The following BSN variants were observed in gnomAD, a reference collection of about 807,000 sequenced individuals.
BSN encodes protein bassoon.
Under a neutral mutation model 264.8 loss-of-function variants are expected in BSN, and 57 were observed. That is an observed-to-expected ratio of 0.22 (90% CI 0.17 to 0.27). The LOEUF (loss-of-function observed/expected upper bound fraction) is 0.27. Among genes scored for constraint, BSN ranks in the 10% least tolerant of loss-of-function variants. The pLI is 1.00. For missense variants in BSN, 4,615 were observed against 5,232.5 expected (o/e 0.88, Z 3.64); for synonymous variants, 2,059 against 2,137.3 (o/e 0.96, Z 1.01).
In BSN at chr3:49,666,899, G is replaced by A. The variant is rs922302879; in HGVS notation, c.*105-691G>A. Among the ~76,000 whole-genome samples, 9 of 152,164 alleles carry A rather than the reference G, an allele frequency of 5.9e-5. No individual in the cohort carries two copies. The East Asian group carries it at 1.3e-3, about 23-fold the overall frequency. On this transcript the variant is annotated intron_variant, in intron 11 of 11. Coordinates refer to ENST00000296452, the MANE Select transcript of BSN (RefSeq NM_003458.4). Reference sequence around the variant, plus strand: ...CTTCCTGCCTTCACCCTCCCACAGCGGGCTTCCTGCGGCTTCCCGCTCAGC... The same window carrying A: ...CTTCCTGCCTTCACCCTCCCACAGCAGGCTTCCTGCGGCTTCCCGCTCAGC...
At chr3:49,563,219 T>C (rs1312645642) in intron 1 of BSN, among the ~76,000 whole-genome samples, 1 of 152,156 alleles carries the variant, frequency 6.6e-6, no homozygotes, top group Non-Finnish European at 1.5e-5. Context: ...CGGGGCTGGC[T>C]GGCAACCCAC....
At position 49,655,836 on chromosome 3, in the gene BSN, A is replaced by G; in HGVS notation, c.6280A>G (p.Thr2094Ala). 1 of 1,613,364 alleles carries G rather than the reference A, an allele frequency of 6.2e-7. No individual in the cohort carries two copies. The change falls in exon 5 of 12, where the codon ACA (threonine) becomes GCA (alanine). Residue 2094 changes from threonine (T) to alanine (A), a missense_variant. This residue lies in a region of BSN where 3,415 missense variants were observed against 3,866.4 expected (regional missense o/e 0.88). Coordinates refer to ENST00000296452, the MANE Select transcript of BSN (RefSeq NM_003458.4). ...CAGCCTGGCCCAGTACAGTGCCACC[A>G]CAGCCCGTGAAATCAGTCGCATGTG... The part of the protein sequence containing the change: ...EASLAQYSAT[T>A]AREISRMCAA...
intron 1 of BSN, among the ~76,000 whole-genome samples, chr3:49,556,148 T>C (rs1232744950): frequency 6.6e-6 from 1 of 152,214 alleles, no homozygotes; most frequent in African/African-American, 2.4e-5. Context: ...GGTTTTAGCT[T>C]GAGGGAGGCT....
At chr3:49,612,769 C>A (rs2052218465) in intron 1 of BSN, among the ~76,000 whole-genome samples, 1 of 152,076 alleles carries the variant, frequency 6.6e-6, no homozygotes, top group Non-Finnish European at 1.5e-5. Context: ...AAAAGGAACA[C>A]AAAAATATTC....
rs2052585267 is a variant in BSN, at chr3:49,655,061, A to G, written c.5505A>G (p.Pro1835=). The change falls in exon 5 of 12, where the codon CCA becomes CCG. Residue 1835 remains proline (P), a synonymous_variant. Coordinates refer to ENST00000296452, the MANE Select transcript of BSN (RefSeq NM_003458.4). ...QSIGLKPGPV[P]EPGAEPHRAT... ...TTGGCCTCAAGCCAGGCCCAGTGCC[A>G]GAGCCAGGTGCCGAGCCCCACCGGG... 1.9e-6 allele frequency: 3 copies of G among 1,613,062 alleles called. No homozygotes were observed. The highest frequency in any genetic ancestry group is 2.5e-6 in the Non-Finnish European group (3 of 1,180,042).
At chr3:49,666,885 C>T (rs2052717158) in intron 11 of BSN, among the ~76,000 whole-genome samples, 1 of 152,194 alleles carries the variant, frequency 6.6e-6, no homozygotes, top group South Asian at 2.1e-4. Flanking sequence ...TTCCTGCCTT[C>T]ACCCTCCCAC....
At chr3:49,618,440 G>A (rs190029244) in intron 1 of BSN, among the ~76,000 whole-genome samples, 32 of 152,208 alleles carry the variant, frequency 2.1e-4, no homozygotes, top group Admixed American at 1.1e-3. Flanking sequence ...TATTCTCACT[G>A]GTTTCCTACC....
At chr3:49,586,439 A>G (rs781407747) in intron 1 of BSN, among the ~76,000 whole-genome samples, 36 of 152,144 alleles carry the variant, frequency 2.4e-4, no homozygotes, top group Admixed American at 2.6e-4. Context: ...CAATGGCACA[A>G]TCATGGCTCA....
rs761770480 is a variant in BSN at position 49,661,138 on chromosome 3, C to T, written c.9293C>T (p.Ala3098Val). The T allele has an allele frequency of 1.2e-6, 2 of 1,612,950 alleles. No homozygotes were observed. Among genetic ancestry groups the T allele is most frequent in the Admixed American group, 3.3e-5 (2 of 59,996 alleles). ...TYPAPAFPPG[A>V]SYPAEPGLPN... is the part of the protein sequence containing the mutation. Reference sequence around the variant, plus strand: ...CCAGCTCCTGCCTTTCCTCCTGGTGCCAGTTACCCAGCTGAGCCTGGCCTG... The same window carrying T: ...CCAGCTCCTGCCTTTCCTCCTGGTGTCAGTTACCCAGCTGAGCCTGGCCTG... Residue 3098 changes from alanine (A) to valine (V), a missense_variant, in exon 6 of 12, where the codon GCC becomes GTC. Around this residue, in one of 3 missense-constraint regions of BSN, gnomAD observed 3,415 missense variants for 3,866.4 expected, o/e 0.88. Transcript: ENST00000296452.
intron 3 of BSN, 21 bp from the exon 4 acceptor site, chr3:49,650,591 C>G: frequency 1.3e-6 from 2 of 1,571,246 alleles, no homozygotes. Context: ...TTCATCAACC[C>G]CCTCTCCCAT....
At chr3:49,577,562 CAG>C (rs1210890971) in intron 1 of BSN, among the ~76,000 whole-genome samples, 5 of 146,786 alleles carry the variant, frequency 3.4e-5, no homozygotes, top group Non-Finnish European at 7.5e-5. Flanking sequence ...TTTTGTGAGA[CAG>C]AGTCTCGCAC....
At chr3:49,593,856 G>A (rs181723574) in intron 1 of BSN, among the ~76,000 whole-genome samples, 1 of 141,514 alleles carries the variant, frequency 7.1e-6, no homozygotes, top group Non-Finnish European at 1.5e-5. Flanking sequence ...AGGCTGGAGT[G>A]CGGTGGCGTG....
At chr3:49,632,363 A>G (rs748982514) in intron 2 of BSN, among the ~76,000 whole-genome samples, 1 of 152,238 alleles carries the variant, frequency 6.6e-6, no homozygotes, top group Non-Finnish European at 1.5e-5. Context: ...TTACATCTAA[A>G]GGCACTATTA....
At position 49,625,925 on chromosome 3, in the gene BSN, T is replaced by A. The variant is rs2052338790; in HGVS notation, c.633+542T>A. On this transcript the variant is annotated intron_variant, in intron 2 of 11. Coordinates refer to ENST00000296452, the MANE Select transcript of BSN (RefSeq NM_003458.4). This position sits in a 1 kb window ranked among gnomAD's most constrained non-coding sequence, Gnocchi z 4.4. ...CTTTAGTTCTAGTCAGCTGGGGACC[T>A]GAGGTGGTGGGGCAGCTACCCCATC... is the stretch of plus-strand genomic sequence containing the variant. 1.3e-5 allele frequency among the ~76,000 whole-genome samples: 2 copies of A among 152,190 alleles called. No homozygotes were observed. Among genetic ancestry groups the A allele is most frequent in the African/African-American group, 4.8e-5 (2 of 41,448 alleles).
intron 5 of BSN, among the ~76,000 whole-genome samples, chr3:49,659,392 T>A (rs1307185750): frequency 6.6e-6 from 1 of 151,780 alleles, no homozygotes; most frequent in Non-Finnish European, 1.5e-5. Context: ...GAGTGAGGGG[T>A]TCAAAAGGCT....
intron 1 of BSN, among the ~76,000 whole-genome samples, chr3:49,613,832 A>G (rs2052232506): frequency 6.6e-6 from 1 of 151,958 alleles, no homozygotes; most frequent in Admixed American, 6.6e-5. Flanking sequence ...AAGGTCATGA[A>G]GATGCGTTCA....
intron 1 of BSN, among the ~76,000 whole-genome samples, chr3:49,577,975 C>T (rs1175842759): frequency 1.3e-5 from 2 of 152,222 alleles, no homozygotes; most frequent in African/African-American, 2.4e-5. Flanking sequence ...CTGGGGGTAG[C>T]GGGGTTACTG....
At position 49,655,149 on chromosome 3, in the gene BSN, G is replaced by T; in HGVS notation, c.5593G>T (p.Val1865Leu). ...PGARKPHTVV[V>L]QMGEGTAGTV... ...TGCCAGGAAGCCACACACAGTGGTG[G>T]TGCAGATGGGAGAGGGCACAGCAGG... The change falls in exon 5 of 12, where the codon GTG (valine) becomes TTG (leucine). Residue 1865 changes from valine to leucine, a missense_variant. By Grantham distance (32) the Val-to-Leu change is conservative. Coordinates refer to ENST00000296452, the MANE Select transcript of BSN (RefSeq NM_003458.4). The T allele has an allele frequency of 6.2e-7, 1 of 1,612,676 alleles. No homozygotes were observed. Among genetic ancestry groups the T allele is most frequent in the Non-Finnish European group, 8.5e-7 (1 of 1,179,794 alleles).
chr3:49,622,988 G>C (rs1013752598), intron 1 of BSN, among the ~76,000 whole-genome samples: 1 of 152,120 alleles, frequency 6.6e-6, no homozygotes, highest in Admixed American at 6.5e-5. Context: ...CTATTTAATA[G>C]TGTTTCTTTT....
Sources: allele counts gnomAD v4.1 joint callset (sites outside exome capture counted in the v4.1 genomes callset), GRCh38; gene constraint gnomAD v4.1.1; regional missense constraint gnomAD v4.1.1; non-coding constraint Gnocchi (gnomAD v3.1); transcripts MANE v1.5; gene names NCBI Gene and HGNC (gene_info 2026-07-23, HGNC 2026-07-21).